Variants in ZNF248 observed in about 807,000 individuals in gnomAD.
The protein encoded by ZNF248 is KRAB protein domain.
A neutral mutation model predicts 44.3 loss-of-function variants in ZNF248; 20 were observed. The observed-to-expected ratio is 0.45, with a 90% confidence interval of 0.32 to 0.66. ZNF248 has a LOEUF of 0.66. ZNF248 is among the 30% of genes least tolerant of loss of function. ZNF248 has a pLI of 0.04. For synonymous variants in ZNF248, 224 were observed against 229.0 expected (o/e 0.98, Z 0.20); for missense variants, 654 against 677.0 (o/e 0.97, Z 0.38).
chr10:37,831,099 G>A lies in ZNF248; in HGVS notation c.*516C>T. Reference sequence around the variant, plus strand: ...ATGTCAACCTATAAAGACACCAATGGTATTTAGTGTAGAAAATATTAACAA... The same window carrying A: ...ATGTCAACCTATAAAGACACCAATGATATTTAGTGTAGAAAATATTAACAA... On this transcript the variant is annotated 3_prime_UTR_variant, in exon 6 of 6. Coordinates refer to ENST00000395867, the MANE Select transcript of ZNF248 (RefSeq NM_021045.3). The A allele has an allele frequency of 4.3e-6, 6 of 1,385,230 alleles. No homozygotes were observed. Among genetic ancestry groups the A allele is most frequent in the Non-Finnish European group, 4.7e-6 (5 of 1,059,680 alleles). 85.8% of individuals were successfully genotyped at this position (1,385,230 alleles called of 1,614,324 possible).
chr10:37,836,000 T>G (rs1209864438), intron 5 of ZNF248, among the ~76,000 whole-genome samples: 2 of 152,190 alleles, frequency 1.3e-5, no homozygotes, highest in Non-Finnish European at 2.9e-5. Context: ...CTCTCTAATT[T>G]TTCTCTGTCT....
intron 6 of ZNF248, among the ~76,000 whole-genome samples, chr10:37,802,360 T>TG (rs1171259256): frequency 1.3e-5 from 2 of 152,162 alleles, no homozygotes; most frequent in Admixed American, 6.5e-5. Context: ...GCAAGGTCCC[T>TG]GGGGGGAATG....
At chr10:37,841,664 G>C (rs1255551474) in intron 3 of ZNF248, among the ~76,000 whole-genome samples, 1 of 152,156 alleles carries the variant, frequency 6.6e-6, no homozygotes, top group Admixed American at 6.6e-5. Context: ...TGAAAACGGA[G>C]GACAAAGGAG....
At chr10:37,834,157 G>GTAA (rs1404305347) in intron 5 of ZNF248, among the ~76,000 whole-genome samples, 4 of 151,966 alleles carry the variant, frequency 2.6e-5, no homozygotes, top group Non-Finnish European at 5.9e-5. Flanking sequence ...ACTAATAATA[G>GTAA]TAATAATAAT....
chr10:37,855,659 T>C (rs1477914198), intron 3 of ZNF248, among the ~76,000 whole-genome samples: 2 of 152,234 alleles, frequency 1.3e-5, no homozygotes, highest in Non-Finnish European at 2.9e-5. Flanking sequence ...TAACAATATA[T>C]GCAGCAGACC....
chr10:37,789,884 C>G (rs1216114722), intron 6 of ZNF248, among the ~76,000 whole-genome samples: 1 of 152,158 alleles, frequency 6.6e-6, no homozygotes, highest in African/African-American at 2.4e-5. Flanking sequence ...CTAAGAACAC[C>G]TGAAGTTTTA....
In ZNF248 at chr10:37,832,267, T is replaced by C. The variant is rs552476563; in HGVS notation, c.1088A>G (p.Lys363Arg). ...CCGAAGCTGGGTAAGATGTGACTTC[T>C]TGCTGAAATTACTCCCATTTTCATT... is the stretch of plus-strand genomic sequence containing the variant. ...DYNENGSNFS[K>R]KSHLTQLRRA... The change falls in exon 6 of 6, where the codon AAG becomes AGG. Residue 363 changes from lysine (K) to arginine (R), a missense_variant. By Grantham distance (26) the Lys-to-Arg change is conservative. Transcript: ENST00000395867. 2.5e-6 allele frequency: 4 copies of C among 1,614,094 alleles called. No individual in the cohort carries two copies. In the East Asian group the frequency reaches 8.9e-5, roughly 36 times the overall value.
chr10:37,813,858 C>G (rs1239137519), intron 6 of ZNF248, among the ~76,000 whole-genome samples: 1 of 152,184 alleles, frequency 6.6e-6, no homozygotes, highest in Admixed American at 6.5e-5. Context: ...TTACAACTTG[C>G]ATGGGATATC....
chr10:37,778,843 T>C (rs1223223033), intron 6 of ZNF248, among the ~76,000 whole-genome samples: 1 of 152,006 alleles, frequency 6.6e-6, no homozygotes, highest in Non-Finnish European at 1.5e-5. Flanking sequence ...TCACCACTGA[T>C]CCCACAGAAA....
intron 3 of ZNF248, among the ~76,000 whole-genome samples, chr10:37,850,278 G>C (rs2060011181): frequency 6.6e-6 from 1 of 152,142 alleles, no homozygotes; most frequent in Admixed American, 6.5e-5. Context: ...CTAAATGAAT[G>C]AATGACTTGA....
intron 6 of ZNF248, among the ~76,000 whole-genome samples, chr10:37,811,671 CAAA>C (rs367773211): frequency 0.067 from 8,845 of 132,840 alleles, 344 homozygotes; most frequent in Middle Eastern, 0.11. Flanking sequence ...CCTGTCTCTA[CAAA>C]AAAAAAAATA....
At chr10:37,790,445 G>T (rs1038879901) in intron 6 of ZNF248, among the ~76,000 whole-genome samples, 1 of 151,834 alleles carries the variant, frequency 6.6e-6, no homozygotes, top group Non-Finnish European at 1.5e-5. Context: ...GGGCACAGTG[G>T]CTCACGCCTG....
intron 3 of ZNF248, among the ~76,000 whole-genome samples, chr10:37,843,250 C>A (rs2058670765): frequency 6.6e-6 from 1 of 151,966 alleles, no homozygotes; most frequent in African/African-American, 2.4e-5. Flanking sequence ...GAAACCCCAT[C>A]TCTACTAAAA....
intron 6 of ZNF248, among the ~76,000 whole-genome samples, chr10:37,799,488 G>C (rs1415794520): frequency 1.3e-5 from 2 of 152,184 alleles, no homozygotes; most frequent in African/African-American, 4.8e-5. Context: ...GAACGTGGGA[G>C]GCAGAGGTTG....
chr10:37,780,847 G>C (rs951559687), intron 6 of ZNF248, among the ~76,000 whole-genome samples: 1 of 152,130 alleles, frequency 6.6e-6, no homozygotes, highest in Non-Finnish European at 1.5e-5. Flanking sequence ...GTCACACTCG[G>C]GCTGAATCCG....
At chr10:37,840,848 GTATA>G (rs2058212263) in intron 3 of ZNF248, among the ~76,000 whole-genome samples, 1 of 152,128 alleles carries the variant, frequency 6.6e-6, no homozygotes, top group Non-Finnish European at 1.5e-5. Context: ...GGTCTGGCAG[GTATA>G]TAATGAGCCT....
chr10:37,765,316 GATTTGGGGATT>G, the ZNF248 span, among the ~76,000 whole-genome samples: 1 of 152,206 alleles, frequency 6.6e-6, no homozygotes, highest in Admixed American at 6.5e-5. Context: ...ATTATGTGGC[GATTTGGGGATT>G]ATTCCTTTAA....
the ZNF248 span, among the ~76,000 whole-genome samples, chr10:37,763,999 C>A: frequency 6.6e-6 from 1 of 152,154 alleles, no homozygotes; most frequent in East Asian, 1.9e-4. Context: ...AATATGAAAT[C>A]TGGGCACCTT....
downstream of ZNF248, among the ~76,000 whole-genome samples, chr10:37,773,498 T>C: frequency 6.6e-6 from 1 of 152,220 alleles, no homozygotes; most frequent in East Asian, 1.9e-4. Flanking sequence ...CCTCAAAATG[T>C]TAAAAATAGA....
Sources: gnomAD v4.1 joint callset for allele counts (sites outside exome capture counted in the v4.1 genomes callset) on GRCh38, gnomAD v4.1.1 for gene constraint, MANE v1.5 for transcripts, NCBI Gene and HGNC (gene_info 2026-07-23, HGNC 2026-07-21) for gene names.